Variants in BLTP1 observed in about 807,000 individuals in gnomAD.
BLTP1 encodes the protein fragile site-associated protein.
chr4:122,326,036 TA>T, the BLTP1 span: 2 of 279,220 alleles, frequency 7.2e-6, no homozygotes, highest in African/African-American at 4.5e-5. Flanking sequence ...ATATTTTACA[TA>T]ATGGTTTAAG....
At chr4:122,163,656 ATAACTC>A in the BLTP1 span, among the ~76,000 whole-genome samples, 1 of 152,206 alleles carries the variant, frequency 6.6e-6, no homozygotes, top group Admixed American at 6.5e-5. Flanking sequence ...TTTACACACT[ATAACTC>A]TATGAGATAG....
chr4:122,306,423 T>C, the BLTP1 span: 1 of 232,908 alleles, frequency 4.3e-6, no homozygotes, highest in Non-Finnish European at 7.0e-6. Flanking sequence ...ACAGTATCCC[T>C]GCCCTCAAGG....
the BLTP1 span, among the ~76,000 whole-genome samples, chr4:122,216,674 G>C: frequency 6.6e-6 from 1 of 152,136 alleles, no homozygotes; most frequent in Non-Finnish European, 1.5e-5. Flanking sequence ...TCCTTTGTCA[G>C]ATGCATAGTT....
chr4:122,279,632 T>G, the BLTP1 span: 2 of 903,834 alleles, frequency 2.2e-6, no homozygotes, highest in Non-Finnish European at 3.2e-6. Context: ...AAATCTACAC[T>G]TTTTTTGTAA....
chr4:122,169,146 G>T, the BLTP1 span, among the ~76,000 whole-genome samples: 3 of 151,914 alleles, frequency 2.0e-5, no homozygotes, highest in South Asian at 4.2e-4. Context: ...GCAGAGATGG[G>T]GTCTCACTGT....
At chr4:122,286,368 G>A in the BLTP1 span, 55 of 836,394 alleles carry the variant, frequency 6.6e-5, no homozygotes, top group Non-Finnish European at 7.3e-5. Flanking sequence ...ATTGACTTGC[G>A]TATTTAAAGA....
At chr4:122,204,438 T>G in the BLTP1 span, 1 of 831,224 alleles carries the variant, frequency 1.2e-6, no homozygotes, top group African/African-American at 1.8e-5. Flanking sequence ...GTAGCTGTTA[T>G]TACTATCCCT....
At chr4:122,185,888 GTATT>G in the BLTP1 span, 1 of 552,106 alleles carries the variant, frequency 1.8e-6, no homozygotes, top group Non-Finnish European at 2.7e-6. Context: ...CCAGTGTTTT[GTATT>G]TATTTTATTA....
chr4:122,195,093 TAGC>T, the BLTP1 span, among the ~76,000 whole-genome samples: 55 of 152,322 alleles, frequency 3.6e-4, 1 homozygote, highest in East Asian at 0.01. Context: ...ACAGTTTTCT[TAGC>T]AGCCATCTAT....
At chr4:122,194,457 A>T in the BLTP1 span, 2 of 726,318 alleles carry the variant, frequency 2.8e-6, no homozygotes, top group Non-Finnish European at 3.4e-6. Flanking sequence ...TCTTCTGGTA[A>T]AATTTTCCTA....
At chr4:122,224,500 G>A in the BLTP1 span, 12 of 1,610,006 alleles carry the variant, frequency 7.5e-6, no homozygotes, top group South Asian at 1.3e-4. Context: ...GTTTTCAGCA[G>A]CGACCCCCTG....
the BLTP1 span, chr4:122,258,612 T>A: frequency 7.0e-7 from 1 of 1,434,460 alleles, no homozygotes; most frequent in Non-Finnish European, 9.3e-7. Flanking sequence ...GAAAGTTGAG[T>A]GTCATTATAT....
the BLTP1 span, chr4:122,262,828 A>C: frequency 6.2e-7 from 1 of 1,613,854 alleles, no homozygotes; most frequent in African/African-American, 1.3e-5. Flanking sequence ...TCTCCAGTGC[A>C]TGTTGGACGT....
the BLTP1 span, chr4:122,210,742 C>T: frequency 3.0e-6 from 3 of 1,012,064 alleles, no homozygotes; most frequent in Non-Finnish European, 4.1e-6. Flanking sequence ...GGTCTGTTTT[C>T]ATTATATATA....
the BLTP1 span, among the ~76,000 whole-genome samples, chr4:122,309,821 A>G: frequency 6.6e-6 from 1 of 152,094 alleles, no homozygotes; most frequent in Admixed American, 6.6e-5. Flanking sequence ...AACACAGAAC[A>G]GGTTGTAAAT....
chr4:122,246,453 T>C, the BLTP1 span: 1 of 608,070 alleles, frequency 1.6e-6, no homozygotes, highest in Non-Finnish European at 2.1e-6. Flanking sequence ...TCTAATGGAA[T>C]GTAAATAGTT....
the BLTP1 span, chr4:122,349,157 G>C: frequency 6.3e-7 from 1 of 1,591,112 alleles, no homozygotes; most frequent in Non-Finnish European, 8.5e-7. This position sits in a 1 kb window ranked among gnomAD's most constrained non-coding sequence, Gnocchi z 4.5. Flanking sequence ...TCATTTTTTA[G>C]TTGGACAACT....
the BLTP1 span, among the ~76,000 whole-genome samples, chr4:122,168,284 G>A: frequency 5.3e-5 from 8 of 152,192 alleles, no homozygotes; most frequent in African/African-American, 1.7e-4. Flanking sequence ...TACTGTGGTA[G>A]GTCATGATTA....
chr4:122,244,429 A>AT, the BLTP1 span: 1 of 158,676 alleles, frequency 6.3e-6, no homozygotes, highest in African/African-American at 2.4e-5. Flanking sequence ...TGAATACTGT[A>AT]TTTTCAGTCT....
Sources: allele counts gnomAD v4.1 joint callset (sites outside exome capture counted in the v4.1 genomes callset), GRCh38; gene constraint gnomAD v4.1.1; non-coding constraint Gnocchi (gnomAD v3.1); transcripts MANE v1.5; gene names NCBI Gene and HGNC (gene_info 2026-07-23, HGNC 2026-07-21).